Variants in TRPC7 observed in about 807,000 individuals in gnomAD.
TRPC7 encodes the protein transient receptor potential cation channel subfamily C member 7.
TRPC7 carries 42 observed loss-of-function variants against 90.1 expected under a neutral mutation model. The ratio of observed to expected loss-of-function variants is 0.47; its 90% confidence interval spans 0.36 to 0.60. The LOEUF is 0.60. Ranked by LOEUF, TRPC7 falls within the 20% of genes least tolerant of loss-of-function variation. The pLI is 0.00. For missense variants in TRPC7, 955 were observed against 1,112.3 expected (o/e 0.86, Z 2.01); for synonymous variants, 451 against 436.3 (o/e 1.03, Z -0.42).
chr5:136,358,262 T>A (rs2149862802), intron 1 of TRPC7, among the ~76,000 whole-genome samples: 1 of 152,306 alleles, frequency 6.6e-6, no homozygotes, highest in South Asian at 2.1e-4. Context: ...TAGCTCAACT[T>A]ATATGCTGGG....
intron 2 of TRPC7, among the ~76,000 whole-genome samples, chr5:136,322,186 T>A (rs548895807): frequency 6.6e-6 from 1 of 152,206 alleles, no homozygotes; most frequent in East Asian, 1.9e-4. Context: ...TGCTAATTTT[T>A]GTATTTTTAG....
intron 2 of TRPC7, among the ~76,000 whole-genome samples, chr5:136,332,183 C>CA (rs1554116903): frequency 0.087 from 13,170 of 151,832 alleles, 727 homozygotes; most frequent in Non-Finnish European, 0.13. Context: ...AGAGGGTCCC[C>CA]GTGCTAAGAG....
chr5:136,230,223 T>C (rs1008188495), intron 8 of TRPC7, among the ~76,000 whole-genome samples: 2 of 151,598 alleles, frequency 1.3e-5, no homozygotes, highest in African/African-American at 4.9e-5. Flanking sequence ...GTCAGTGCTT[T>C]TTATTTTAAC....
chr5:136,261,472 A>G (rs1414470259), intron 5 of TRPC7, among the ~76,000 whole-genome samples: 1 of 152,190 alleles, frequency 6.6e-6, no homozygotes, highest in Non-Finnish European at 1.5e-5. Context: ...ACTCCTGCTA[A>G]GGCCAAGTCC....
chr5:136,324,546 C>T (rs1759289125), intron 2 of TRPC7, among the ~76,000 whole-genome samples: 1 of 152,082 alleles, frequency 6.6e-6, no homozygotes, highest in Non-Finnish European at 1.5e-5. Flanking sequence ...CCTTTTGATC[C>T]ATAAATCTCC....
chr5:136,303,456 T>C (rs922679130), intron 3 of TRPC7, among the ~76,000 whole-genome samples: 7 of 152,112 alleles, frequency 4.6e-5, no homozygotes, highest in Non-Finnish European at 8.8e-5. Context: ...AATGTATTTC[T>C]GAGTTGCAAT....
intron 11 of TRPC7, among the ~76,000 whole-genome samples, chr5:136,214,845 A>G (rs1468516724): frequency 1.3e-5 from 2 of 152,178 alleles, no homozygotes; most frequent in Non-Finnish European, 2.9e-5. Context: ...ATCATGGATG[A>G]GGCTGTTTCT....
intron 7 of TRPC7, among the ~76,000 whole-genome samples, chr5:136,233,460 A>C (rs867658424): frequency 3.9e-5 from 6 of 152,190 alleles, no homozygotes; most frequent in African/African-American, 2.4e-5. Context: ...TCTTTCAGTT[A>C]TCACACTCGT....
intron 9 of TRPC7, among the ~76,000 whole-genome samples, chr5:136,225,683 C>T (rs1755603473): frequency 6.6e-6 from 1 of 152,114 alleles, no homozygotes; most frequent in African/African-American, 2.4e-5. Context: ...GGAAGGAAAC[C>T]TTTTTCTCAG....
chr5:136,257,688 T>C (rs1756729552), intron 5 of TRPC7, among the ~76,000 whole-genome samples: 1 of 152,162 alleles, frequency 6.6e-6, no homozygotes, highest in Admixed American at 6.5e-5. Flanking sequence ...GTCTCAAGTA[T>C]ACCGTATCAA....
chr5:136,330,993 T>TC (rs374906461), intron 2 of TRPC7, among the ~76,000 whole-genome samples: 6 of 151,362 alleles, frequency 4.0e-5, no homozygotes, highest in African/African-American at 1.2e-4. Flanking sequence ...GTTTATGGAG[T>TC]CCCCCCGCCA....
intron 2 of TRPC7, 68 bp from the exon 3 acceptor site, chr5:136,315,847 C>T: frequency 2.7e-6 from 4 of 1,464,848 alleles, no homozygotes; most frequent in South Asian, 2.6e-5. Flanking sequence ...CCCAGCATAG[C>T]AGTGTCGATC....
chr5:136,306,417 C>A (rs1049664158), intron 3 of TRPC7, among the ~76,000 whole-genome samples: 2 of 152,214 alleles, frequency 1.3e-5, no homozygotes, highest in Non-Finnish European at 2.9e-5. Flanking sequence ...ATCTCTCCCA[C>A]TTTAGTTGCC....
At chr5:136,316,866 A>G (rs1198460689) in intron 2 of TRPC7, among the ~76,000 whole-genome samples, 1 of 152,218 alleles carries the variant, frequency 6.6e-6, no homozygotes, top group Non-Finnish European at 1.5e-5. Context: ...CAACCCTCAG[A>G]CTGCTAGATA....
At position 136,356,602 on chromosome 5, in the gene TRPC7, A is replaced by G; in HGVS notation, c.780+6T>C. The G allele has an allele frequency of 6.6e-7, 1 of 1,525,528 alleles. No individual in the cohort carries two copies. Among genetic ancestry groups the G allele is most frequent in the South Asian group, 1.3e-5 (1 of 76,762 alleles). The allele number at this position is 1,525,528 out of a possible 1,614,324, so 94.5% of individuals were successfully genotyped here. A position where few individuals can be genotyped will look rare whatever the true frequency, so the allele number is the denominator to read the frequency against. On this transcript the variant is annotated splice_donor_region_variant and intron_variant, in intron 2 of 11. Transcript: ENST00000513104. ...CTGCCTGCAGGGTGCTAAGTGGAAG[A>G]GTTACCTTAAATTCAGTCTCAATGT...
At chr5:136,279,950 C>T (rs984326651) in intron 3 of TRPC7, among the ~76,000 whole-genome samples, 1 of 151,916 alleles carries the variant, frequency 6.6e-6, no homozygotes, top group Admixed American at 6.5e-5. Flanking sequence ...GTCAGGAATT[C>T]AAGACCAGCC....
intron 3 of TRPC7, among the ~76,000 whole-genome samples, chr5:136,287,552 T>C (rs1757762766): frequency 1.3e-5 from 2 of 151,952 alleles, no homozygotes; most frequent in Admixed American, 6.6e-5. Flanking sequence ...GTGGAAATCC[T>C]GAAGAGGGCC....
chr5:136,245,198 G>T (rs1756299349), intron 7 of TRPC7, among the ~76,000 whole-genome samples: 1 of 152,148 alleles, frequency 6.6e-6, no homozygotes, highest in Non-Finnish European at 1.5e-5. Flanking sequence ...CGGTCCATGG[G>T]GTACCAAGGC....
At chr5:136,329,111 C>A (rs545284084) in intron 2 of TRPC7, among the ~76,000 whole-genome samples, 1 of 152,286 alleles carries the variant, frequency 6.6e-6, no homozygotes, top group African/African-American at 2.4e-5. Context: ...TTGTGAGGGG[C>A]CCATAGCACA....
Sources: allele counts gnomAD v4.1 joint callset (sites outside exome capture counted in the v4.1 genomes callset), GRCh38; gene constraint gnomAD v4.1.1; transcripts MANE v1.5; gene names NCBI Gene and HGNC (gene_info 2026-07-23, HGNC 2026-07-21).